The following BAZ2B variants were observed in gnomAD, a reference collection of about 807,000 sequenced individuals.
The protein encoded by BAZ2B is bromodomain adjacent to zinc finger domain 2B.
BAZ2B carries 91 observed loss-of-function variants against 246.0 expected under a neutral mutation model. The ratio of observed to expected loss-of-function variants is 0.37; its 90% CI spans 0.31 to 0.44. BAZ2B has a LOEUF of 0.44. BAZ2B is among the 20% of genes least tolerant of loss of function. The pLI is 1.00. For synonymous variants in BAZ2B, 855 were observed against 860.0 expected (o/e 0.99, Z 0.10); for missense variants, 2,332 against 2,533.7 (o/e 0.92, Z 1.71).
In BAZ2B at chr2:159,389,512, T is replaced by C. The variant is rs533591373; in HGVS notation, c.3076-27A>G. The C allele has an allele frequency of 3.0e-5, 47 of 1,544,398 alleles. No homozygotes were observed. In the Middle Eastern group the frequency reaches 7.0e-4, roughly 23 times the overall value. ...TTAAAAAGAAAACCATGTACACATA[T>C]TCTTCTTAATCATTATATATGTTGG... On this transcript the variant is annotated intron_variant, in intron 20 of 36. Transcript: ENST00000392783.
chr2:159,657,262 T>C, the BAZ2B span, among the ~76,000 whole-genome samples: 142,248 of 152,216 alleles, frequency 0.93, 66,597 homozygotes, highest in African/African-American at 0.97. Context: ...CATTAAATTG[T>C]CTTTGCTCTT....
At chr2:159,668,169 T>G in the BAZ2B span, among the ~76,000 whole-genome samples, 1 of 152,314 alleles carries the variant, frequency 6.6e-6, no homozygotes, top group South Asian at 2.1e-4. Context: ...TTGCTACTAG[T>G]ATATAAAATA....
At chr2:159,712,264 C>G in the BAZ2B span, 3 of 152,312 alleles carry the variant, frequency 2.0e-5, no homozygotes, top group Admixed American at 2.0e-4. Flanking sequence ...CGCCCGCACA[C>G]TCGCCAGCCC....
chr2:159,495,768 G>T lies in BAZ2B; in HGVS notation c.-2-17047C>A, dbSNP rs186156837. ...CTATATATACATTTTAATCGAAGAA[G>T]AAATACTTTTTTTTTTTTTGAGACA... On this transcript the variant is annotated intron_variant, in intron 2 of 36. Coordinates refer to ENST00000392783, the MANE Select transcript of BAZ2B (RefSeq NM_013450.4). 9.0e-4 allele frequency among the ~76,000 whole-genome samples: 132 copies of T among 145,892 alleles called. 2 individuals carry two copies. The Middle Eastern group carries it at 0.011, about 12-fold the overall frequency.
Position 159,412,454 on chromosome 2 carries a change from C to A in BAZ2B, c.2558G>T (p.Arg853Ile), listed in dbSNP as rs765012471. 6 of 1,614,128 alleles carry A rather than the reference C, an allele frequency of 3.7e-6. No homozygotes were observed. The South Asian group carries it at 6.6e-5, about 18-fold the overall frequency. ...CCTGGATTCCTCTCTTGCTCGTTGT[C>A]TATCTGGATTTGGTGGTCTTCCTCT... ...GRRGRPPNPD[R>I]QRAREESRMR... Residue 853 changes from arginine (R) to isoleucine (I), a missense_variant, in exon 14 of 37, where the codon AGA becomes ATA. By Grantham distance (97) the Arg-to-Ile change is moderately conservative. Around this residue, in one of 9 missense-constraint regions of BAZ2B, gnomAD observed 651 missense variants for 650.9 expected, o/e 1.00. Coordinates refer to ENST00000392783, the MANE Select transcript of BAZ2B (RefSeq NM_013450.4).
intron 3 of BAZ2B, among the ~76,000 whole-genome samples, chr2:159,456,130 C>T (rs2075745174): frequency 2.0e-5 from 3 of 151,544 alleles, no homozygotes; most frequent in Admixed American, 2.0e-4. Flanking sequence ...AGGGAAGTAA[C>T]CTCAAAATTA....
At chr2:159,443,345 A>G (rs1342597924) in intron 6 of BAZ2B, among the ~76,000 whole-genome samples, 2 of 152,162 alleles carry the variant, frequency 1.3e-5, no homozygotes, top group Non-Finnish European at 2.9e-5. Context: ...TTCTAAATGT[A>G]TATGCAGACT....
chr2:159,642,274 G>A, the BAZ2B span, among the ~76,000 whole-genome samples: 37 of 123,760 alleles, frequency 3.0e-4, no homozygotes. Flanking sequence ...GTCTCGCTCT[G>A]TCACCTAGGC....
rs547516581 is a variant in BAZ2B at position 159,543,719 on chromosome 2, A to C, written c.-3+12104T>G. Among the ~76,000 whole-genome samples, 3 of 152,242 alleles carry C rather than the reference A, an allele frequency of 2.0e-5. No homozygotes were observed. The East Asian group carries it at 5.8e-4, about 29-fold the overall frequency. On this transcript the variant is annotated intron_variant, in intron 2 of 36. Coordinates refer to ENST00000392783, the MANE Select transcript of BAZ2B (RefSeq NM_013450.4). ...CCCAGCTAATTTTTGTATTTTTAGTAGAGACGAGGTTTTGCCATGTTGGCC... is the reference window on the plus strand; with the variant it reads ...CCCAGCTAATTTTTGTATTTTTAGTCGAGACGAGGTTTTGCCATGTTGGCC...
intron 1 of BAZ2B, among the ~76,000 whole-genome samples, chr2:159,590,133 G>A (rs371068014): frequency 2.1e-5 from 3 of 139,780 alleles, no homozygotes; most frequent in African/African-American, 8.1e-5. Flanking sequence ...GCTGCAGTGA[G>A]CCAAGATCAT....
intron 3 of BAZ2B, among the ~76,000 whole-genome samples, chr2:159,468,278 G>C (rs1157827719): frequency 1.3e-5 from 2 of 152,044 alleles, no homozygotes; most frequent in African/African-American, 2.4e-5. Flanking sequence ...AGCAGGCAGA[G>C]CAACTGAAAA....
At chr2:159,347,780 T>C (rs2058092877) in intron 30 of BAZ2B, 134 bp from the exon 31 acceptor site, 2 of 696,700 alleles carry the variant, frequency 2.9e-6, no homozygotes, top group South Asian at 4.0e-5. Flanking sequence ...CACTTGTGTA[T>C]GTACAGGCAG....
intron 1 of BAZ2B, among the ~76,000 whole-genome samples, chr2:159,588,881 T>C (rs1396277476): frequency 1.3e-5 from 2 of 152,168 alleles, no homozygotes; most frequent in Non-Finnish European, 2.9e-5. Flanking sequence ...CCTCAAATAC[T>C]GGGAACACAT....
At position 159,548,193 on chromosome 2, in the gene BAZ2B, G is replaced by A. The variant is rs374988234; in HGVS notation, c.-3+7630C>T. 4.9e-4 allele frequency among the ~76,000 whole-genome samples: 75 copies of A among 152,146 alleles called. 1 individual carries two copies. The highest frequency in any genetic ancestry group is 1.7e-3 in the African/African-American group (70 of 41,514). ...AAATGTTTAGGATGTATTTTATAAC[G>A]TTACTGTACTACATTTTAAAATTTT... On this transcript the variant is annotated intron_variant, in intron 2 of 36. Coordinates refer to ENST00000392783, the MANE Select transcript of BAZ2B (RefSeq NM_013450.4).
intron 32 of BAZ2B, 172 bp downstream of exon 32, chr2:159,337,395 C>G: frequency 2.1e-6 from 3 of 1,415,724 alleles, no homozygotes; most frequent in Non-Finnish European, 2.9e-6. Flanking sequence ...AGATAACAGG[C>G]AATAGAAAAT....
At chr2:159,508,711 C>G (rs1288775478) in intron 2 of BAZ2B, among the ~76,000 whole-genome samples, 1 of 152,142 alleles carries the variant, frequency 6.6e-6, no homozygotes, top group Non-Finnish European at 1.5e-5. Flanking sequence ...TACCCCCTGA[C>G]CAGAAATTTA....
At position 159,505,727 on chromosome 2, in the gene BAZ2B, C is replaced by T. The variant is rs555659885; in HGVS notation, c.-2-27006G>A. 1.9e-3 allele frequency among the ~76,000 whole-genome samples: 291 copies of T among 152,038 alleles called. 2 individuals carry two copies. The highest frequency in any genetic ancestry group is 6.5e-3 in the African/African-American group (271 of 41,456). On this transcript the variant is annotated intron_variant, in intron 2 of 36. Coordinates refer to ENST00000392783, the MANE Select transcript of BAZ2B (RefSeq NM_013450.4). ...TGGATGAAAAGGTCCCATAAGAAGG[C>T]GGCAAGAATATAGAATTCATCATCA... is the stretch of plus-strand genomic sequence containing the variant.
the BAZ2B span, among the ~76,000 whole-genome samples, chr2:159,704,887 A>G: frequency 6.6e-6 from 1 of 151,674 alleles, no homozygotes; most frequent in African/African-American, 2.4e-5. Context: ...TATTTTTAAT[A>G]GAGACGAGGT....
chr2:159,550,342 C>T (rs2088000069), intron 2 of BAZ2B, among the ~76,000 whole-genome samples: 1 of 152,160 alleles, frequency 6.6e-6, no homozygotes, highest in South Asian at 2.1e-4. Context: ...CTTACTGCTG[C>T]TTTACCCATT....
Sources: allele counts gnomAD v4.1 joint callset (sites outside exome capture counted in the v4.1 genomes callset), GRCh38; gene constraint gnomAD v4.1.1; regional missense constraint gnomAD v4.1.1; transcripts MANE v1.5; gene names NCBI Gene and HGNC (gene_info 2026-07-23, HGNC 2026-07-21).